The following NAV2 variants were observed in gnomAD, a reference collection of about 807,000 sequenced individuals.
The protein encoded by NAV2 is helicase, APC down-regulated 1.
A neutral mutation model predicts 223.2 loss-of-function variants in NAV2; 54 were observed. The ratio of observed to expected loss-of-function variants is 0.24; its 90% confidence interval spans 0.19 to 0.30. The LOEUF is 0.30. NAV2 is among the 10% of genes least tolerant of loss of function. The probability of loss-of-function intolerance (pLI) is 1.00; values close to 1 mark genes in which losing one functional copy is unlikely to be tolerated. For synonymous variants in NAV2, 1,279 were observed against 1,239.3 expected, an observed-to-expected ratio of 1.03 and a Z score of -0.67; for missense variants, 2,806 against 3,147.5, an observed-to-expected ratio of 0.89 and a Z score of 2.60.
At chr11:20,071,107 C>CG (rs1348381002) in intron 22 of NAV2, among the ~76,000 whole-genome samples, 2 of 33,094 alleles carry the variant, frequency 6.0e-5, no homozygotes, top group East Asian at 0.038. Flanking sequence ...CCTCCCCTAG[C>CG]CCCCCACCCC....
chr11:19,394,411 A>G (rs1275098780), intron 1 of NAV2, among the ~76,000 whole-genome samples: 1 of 152,204 alleles, frequency 6.6e-6, no homozygotes, highest in Non-Finnish European at 1.5e-5. Flanking sequence ...TCTTTAGCCA[A>G]TATTTTCTGG....
At chr11:19,890,123 GGTATAACT>G (rs2041376538) in intron 5 of NAV2, among the ~76,000 whole-genome samples, 1 of 152,102 alleles carries the variant, frequency 6.6e-6, no homozygotes, top group African/African-American at 2.4e-5. Flanking sequence ...TATACCCAAT[GGTATAACT>G]GTTAACTATT....
At chr11:19,540,082 T>C (rs7946032) in intron 1 of NAV2, among the ~76,000 whole-genome samples, 30,264 of 151,898 alleles carry the variant, frequency 0.2, 6,075 homozygotes, top group African/African-American at 0.52. Context: ...TGAATATTCC[T>C]AGCCACCATC....
intron 1 of NAV2, among the ~76,000 whole-genome samples, chr11:19,630,611 G>A (rs190670260): frequency 2.1e-3 from 313 of 152,276 alleles, no homozygotes; most frequent in Non-Finnish European, 2.9e-3. Context: ...TTTTGGCAGG[G>A]CACAGTGGCT....
chr11:19,474,484 A>G (rs1182256546), intron 1 of NAV2, among the ~76,000 whole-genome samples: 1 of 152,234 alleles, frequency 6.6e-6, no homozygotes, highest in Non-Finnish European at 1.5e-5. Context: ...TAGAAAATGT[A>G]TGGTTTATAA....
chr11:20,005,240 T>A (rs184889997), intron 11 of NAV2, among the ~76,000 whole-genome samples: 638 of 16,070 alleles, frequency 0.04, 4 homozygotes, highest in African/African-American at 0.11. Flanking sequence ...GTTTTAATCA[T>A]ATATATATAT....
chr11:19,613,431 A>T (rs1487361284), intron 1 of NAV2, among the ~76,000 whole-genome samples: 1 of 152,254 alleles, frequency 6.6e-6, no homozygotes, highest in African/African-American at 2.4e-5. Flanking sequence ...GGCCTTGGGT[A>T]TGGACAGATC....
chr11:19,591,303 G>A (rs974860428), intron 1 of NAV2: 1 of 152,156 alleles, frequency 6.6e-6, no homozygotes, highest in Non-Finnish European at 1.5e-5. Context: ...CACCTTCACA[G>A]TTCTTAGGAT....
At chr11:19,911,657 C>A (rs1322328540) in intron 6 of NAV2, among the ~76,000 whole-genome samples, 3 of 152,048 alleles carry the variant, frequency 2.0e-5, no homozygotes, top group African/African-American at 7.2e-5. Context: ...AAGAATTCTT[C>A]ATCAGTTCCA....
intron 1 of NAV2, among the ~76,000 whole-genome samples, chr11:19,603,960 A>C (rs922920706): frequency 6.6e-6 from 1 of 152,156 alleles, no homozygotes; most frequent in Middle Eastern, 3.2e-3. Flanking sequence ...TGGCATGTGC[A>C]AAGGCCCTGA....
At chr11:19,692,820 C>T (rs1180494686) in intron 1 of NAV2, among the ~76,000 whole-genome samples, 5 of 152,140 alleles carry the variant, frequency 3.3e-5, no homozygotes, top group Non-Finnish European at 7.4e-5. Context: ...CAAGTGTGTG[C>T]ATGTGTGTTG....
intron 8 of NAV2, among the ~76,000 whole-genome samples, chr11:19,941,166 G>C (rs1474603449): frequency 6.6e-6 from 1 of 152,108 alleles, no homozygotes; most frequent in South Asian, 2.1e-4. Flanking sequence ...TTAGATTTCA[G>C]AGTGACAGAT....
At chr11:19,552,870 T>G (rs2044733869) in intron 1 of NAV2, among the ~76,000 whole-genome samples, 9 of 112,352 alleles carry the variant, frequency 8.0e-5, no homozygotes, top group African/African-American at 7.9e-5. Context: ...CATTGCATTG[T>G]GAGAGAGTGT....
chr11:19,920,369 C>G (rs1049053358), intron 6 of NAV2, among the ~76,000 whole-genome samples: 2 of 152,224 alleles, frequency 1.3e-5, no homozygotes, highest in African/African-American at 4.8e-5. Flanking sequence ...CTCACTGCAA[C>G]CTCTGCCTCC....
In NAV2 at chr11:20,105,713, C is replaced by T. The variant is rs916320259; in HGVS notation, c.6827C>T (p.Ser2276Leu). The change falls in exon 35 of 38, where the codon TCG becomes TTG. Residue 2276 changes from serine to leucine, a missense_variant. Around this residue, in one of 4 missense-constraint regions of NAV2, gnomAD observed 824 missense variants for 1,069.4 expected, o/e 0.77. Coordinates refer to ENST00000349880, the MANE Select transcript of NAV2 (RefSeq NM_145117.5). ...LNRFLEAHSSSDVTIGPRLFL... is the reference protein window; with the variant it reads ...LNRFLEAHSSLDVTIGPRLFL... ...CGCTTCCTGGAGGCTCACAGTTCCT[C>T]GGACGTCACCATCGGTGGGTGGGAG... 1.2e-5 allele frequency: 19 copies of T among 1,612,054 alleles called. No individual in the cohort carries two copies. Among genetic ancestry groups the T allele is most frequent in the Non-Finnish European group, 1.4e-5 (17 of 1,179,538 alleles).
At chr11:20,097,846 A>G in intron 31 of NAV2, 101 bp downstream of exon 31, 2 of 1,075,510 alleles carry the variant, frequency 1.9e-6, no homozygotes, top group South Asian at 3.5e-5. Context: ...TTGTGCATGT[A>G]TTTGTGGGCT....
chr11:19,755,348 A>G (rs1025455121), intron 1 of NAV2, among the ~76,000 whole-genome samples: 1 of 152,220 alleles, frequency 6.6e-6, no homozygotes, highest in Non-Finnish European at 1.5e-5. Context: ...AATGTGTAAG[A>G]GCTACATCCC....
rs75412874 is a variant in NAV2, at chr11:19,846,058, T to A, written c.438+3135T>A. On this transcript the variant is annotated intron_variant, in intron 3 of 37. Coordinates refer to ENST00000349880, the MANE Select transcript of NAV2 (RefSeq NM_145117.5). The stretch of plus-strand genomic sequence containing the variant: ...TGCATGGCACTGTGGAGACCCATTC[T>A]ACCCCCAGGGCAAGGAAGGTTCCTA... 3.3e-4 allele frequency among the ~76,000 whole-genome samples: 51 copies of A among 152,310 alleles called. 3 individuals are homozygous for A. In the East Asian group the frequency reaches 9.8e-3, roughly 29 times the overall value.
chr11:19,560,158 T>C (rs553457962), intron 1 of NAV2, among the ~76,000 whole-genome samples: 2 of 152,322 alleles, frequency 1.3e-5, no homozygotes, highest in African/African-American at 4.8e-5. Flanking sequence ...AAAGAGACTA[T>C]TTTCTTGATG....
Sources: allele counts gnomAD v4.1 joint callset (sites outside exome capture counted in the v4.1 genomes callset), GRCh38; gene constraint gnomAD v4.1.1; regional missense constraint gnomAD v4.1.1; transcripts MANE v1.5; gene names NCBI Gene and HGNC (gene_info 2026-07-23, HGNC 2026-07-21).